CFB: variants seen among roughly 807,000 people sequenced by gnomAD.
CFB encodes B-factor, properdin.
Under a neutral mutation model 97.2 loss-of-function variants are expected in CFB, and 59 were observed. That is an observed-to-expected ratio of 0.61 (90% CI 0.49 to 0.75). CFB has a LOEUF of 0.75. Ranked by LOEUF, CFB falls within the 30% of genes least tolerant of loss-of-function variation. The pLI is 0.00. For synonymous variants in CFB, 316 were observed against 351.7 expected (o/e 0.90, Z 1.14); for missense variants, 771 against 959.8 (o/e 0.80, Z 2.60).
intron 6 of CFB, 127 bp downstream of exon 6, chr6:31,948,208 C>G (rs983515882): frequency 4.7e-6 from 7 of 1,497,882 alleles, no homozygotes; most frequent in African/African-American, 1.4e-5. Context: ...CTATTCTGTC[C>G]TCCTTCCCTT....
chr6:31,949,202 C>T, intron 8 of CFB, 41 bp from the exon 9 acceptor site: 1 of 1,604,698 alleles, frequency 6.2e-7, no homozygotes, highest in Non-Finnish European at 8.5e-7. Context: ...GCCAGTTTAT[C>T]TTCCTTATCT....
At chr6:31,948,623 A>C (rs537160) in intron 7 of CFB, 111 bp downstream of exon 7, 3 of 1,559,510 alleles carry the variant, frequency 1.9e-6, no homozygotes, top group African/African-American at 2.7e-5. Flanking sequence ...TGTAGTCAAA[A>C]GTTGAACAGC....
chr6:31,948,274 C>T, intron 6 of CFB, 100 bp from the exon 7 acceptor site: 2 of 1,561,772 alleles, frequency 1.3e-6, no homozygotes, highest in Non-Finnish European at 1.8e-6. Context: ...GCCCTTGAGC[C>T]TCTTACTGAG....
At chr6:31,949,137 CTA>C in intron 8 of CFB, 104 bp from the exon 9 acceptor site, 1 of 1,428,530 alleles carries the variant, frequency 7.0e-7, no homozygotes, top group South Asian at 1.2e-5. Context: ...CTGTGATCAA[CTA>C]TCTCTAACCC....
At chr6:31,949,640 C>G in intron 10 of CFB, 83 bp downstream of exon 10, 1 of 1,553,138 alleles carries the variant, frequency 6.4e-7, no homozygotes, top group East Asian at 2.3e-5. Flanking sequence ...ACCTGAAGCT[C>G]TAGTTGCCTG....
At chr6:31,949,091 C>G (rs2151784753) in intron 8 of CFB, 130 bp downstream of exon 8, 1 of 1,458,244 alleles carries the variant, frequency 6.9e-7, no homozygotes, top group East Asian at 2.3e-5. Context: ...CTGTTCATCT[C>G]TCCTGTGACC....
rs1162939884 is a variant in CFB, at chr6:31,947,716, T to C, written c.659-26T>C. The C allele has an allele frequency of 6.2e-7, 1 of 1,610,584 alleles. No individual in the cohort carries two copies. The highest frequency in any genetic ancestry group is 1.7e-5 in the Admixed American group (1 of 60,014). ...ACTGTATCCCTGACACTCCCAGACA[T>C]TTGACCTCATTTCTGACTCTCCCAG... On this transcript the variant is annotated intron_variant, in intron 4 of 17. Coordinates refer to ENST00000425368, the MANE Select transcript of CFB (RefSeq NM_001710.6). This position sits in a 1 kb window ranked among gnomAD's most constrained non-coding sequence, Gnocchi z 5.3.
chr6:31,951,260 C>T lies in CFB; in HGVS notation c.1956+16C>T, dbSNP rs750342057. ...TGGGGATAAGGTGAGAAACGGGCAT[C>T]CTAAGGAGGCACTCTAGGCCCCAAT... On this transcript the variant is annotated intron_variant, in intron 15 of 17. Transcript: ENST00000425368. This position sits in a 1 kb window ranked among gnomAD's most constrained non-coding sequence, Gnocchi z 4.3. 6.2e-7 allele frequency: 1 copy of T among 1,613,240 alleles called. No homozygotes were observed. The highest frequency in any genetic ancestry group is 1.1e-5 in the South Asian group (1 of 91,080).
In CFB at chr6:31,952,083, C is replaced by G. The variant is rs1269271479; in HGVS notation, c.*53C>G. 3.7e-6 allele frequency: 6 copies of G among 1,605,748 alleles called. No homozygotes were observed. The highest frequency in any genetic ancestry group is 4.3e-6 in the Non-Finnish European group (5 of 1,176,414). Reference sequence around the variant, plus strand: ...GATTGAATTAAAACAGCTGCGACAACACCTGTGTTCCAGATCCTTTTGGGG... The same window carrying G: ...GATTGAATTAAAACAGCTGCGACAAGACCTGTGTTCCAGATCCTTTTGGGG... On this transcript the variant is annotated 3_prime_UTR_variant, in exon 18 of 18. Coordinates refer to ENST00000425368, the MANE Select transcript of CFB (RefSeq NM_001710.6).
At position 31,951,319 on chromosome 6, in the gene CFB, A is replaced by T. The variant is rs1771756173; in HGVS notation, c.1957-22A>T. 1.2e-6 allele frequency: 2 copies of T among 1,614,010 alleles called. No homozygotes were observed. The highest frequency in any genetic ancestry group is 2.2e-5 in the South Asian group (2 of 91,074). On this transcript the variant is annotated intron_variant, in intron 15 of 17. Transcript: ENST00000425368. The surrounding 1 kb of genome is among the most constrained non-coding windows in gnomAD (Gnocchi z 4.3). Reference sequence around the variant, plus strand: ...AGCCACTTCTGTTCATTACTTCTCCATGCTTCCCACCTCCCCTACAGAAAG... The same window carrying T: ...AGCCACTTCTGTTCATTACTTCTCCTTGCTTCCCACCTCCCCTACAGAAAG...
intron 7 of CFB, 38 bp downstream of exon 7, chr6:31,948,550 G>C: frequency 6.2e-7 from 1 of 1,613,316 alleles, no homozygotes; most frequent in Non-Finnish European, 8.5e-7. Flanking sequence ...TCACTTTGGG[G>C]TCAGGAGGTT....
chr6:31,947,837 G>C lies in CFB; in HGVS notation c.754G>C (p.Gly252Arg). Reference sequence around the variant, plus strand: ...AGGAGTCGATGCTGAGGATGGGCACGGCCCAGGTTTGAAGACAGAGAAGGG... The same window carrying C: ...AGGAGTCGATGCTGAGGATGGGCACCGCCCAGGTTTGAAGACAGAGAAGGG... ...IEGVDAEDGHGPGEQQKRKIV... is the reference protein window; with the variant it reads ...IEGVDAEDGHRPGEQQKRKIV... The change falls in exon 5 of 18, where the codon GGC (glycine) becomes CGC (arginine). Residue 252 changes from glycine to arginine, a missense_variant. Coordinates refer to ENST00000425368, the MANE Select transcript of CFB (RefSeq NM_001710.6). The surrounding 1 kb of genome is among the most constrained non-coding windows in gnomAD (Gnocchi z 5.3). 1 of 1,613,872 alleles carries C rather than the reference G, an allele frequency of 6.2e-7. No homozygotes were observed. The highest frequency in any genetic ancestry group is 8.5e-7 in the Non-Finnish European group (1 of 1,180,026).
In CFB at chr6:31,948,454, A is replaced by C. The variant is rs140166479; in HGVS notation, c.978A>C (p.Glu326Asp). The C allele has an allele frequency of 4.5e-4, 725 of 1,614,248 alleles. 2 individuals are homozygous for C. The highest frequency in any genetic ancestry group is 4.3e-3 in the African/African-American group (324 of 75,060). The change falls in exon 7 of 18, where the codon GAA becomes GAC. Residue 326 changes from glutamate (E) to aspartate (D), a missense_variant. Coordinates refer to ENST00000425368, the MANE Select transcript of CFB (RefSeq NM_001710.6). Reference sequence around the variant, plus strand: ...CCAAAATTTGGGTCAAAGTGTCTGAAGCAGACAGCAGTAATGCAGACTGGG... The same window carrying C: ...CCAAAATTTGGGTCAAAGTGTCTGACGCAGACAGCAGTAATGCAGACTGGG... Reference protein sequence around the residue: ...TYPKIWVKVSEADSSNADWVT... With the variant: ...TYPKIWVKVSDADSSNADWVT...
In CFB at chr6:31,950,880, C is replaced by A; in HGVS notation, c.1791C>A (p.Leu597=). 3 of 1,613,036 alleles carry A rather than the reference C, an allele frequency of 1.9e-6. No homozygotes were observed. Among genetic ancestry groups the A allele is most frequent in the East Asian group, 2.2e-5 (1 of 44,884 alleles). Residue 597 remains leucine (L), a synonymous_variant, in exon 14 of 18, where the codon CTC becomes CTA. Transcript: ENST00000425368. The part of the protein sequence containing the change: ...KYGQTIRPIC[L]PCTEGTTRAL... ...TTGTCCTTTATAGGCCCATTTGTCT[C>A]CCCTGCACCGAGGGAACAACTCGAG...
chr6:31,947,458 G>A lies in CFB; in HGVS notation c.595G>A (p.Gly199Ser). Residue 199 changes from glycine to serine, a missense_variant, in exon 4 of 18, where the codon GGC becomes AGC. Physicochemically the swap from Gly to Ser is moderately conservative, Grantham distance 56. Coordinates refer to ENST00000425368, the MANE Select transcript of CFB (RefSeq NM_001710.6). This position sits in a 1 kb window ranked among gnomAD's most constrained non-coding sequence, Gnocchi z 5.3. ...CTGCAGCCGGGGGCTTACCCTGCGT[G>A]GCTCCCAGCGGCGAACGTGTCAGGA... ...YHCSRGLTLR[G>S]SQRRTCQEGG... 6.2e-7 allele frequency: 1 copy of A among 1,613,010 alleles called. No individual in the cohort carries two copies. The highest frequency in any genetic ancestry group is 1.3e-5 in the African/African-American group (1 of 75,028).
chr6:31,951,451 T>C lies in CFB; in HGVS notation c.2067T>C (p.Tyr689=), dbSNP rs1771764444. The C allele has an allele frequency of 3.7e-6, 6 of 1,614,122 alleles. No homozygotes were observed. The highest frequency in any genetic ancestry group is 2.7e-5 in the African/African-American group (2 of 74,938). Residue 689 remains tyrosine (Y), a synonymous_variant, in exon 16 of 18, where the codon TAT becomes TAC. Coordinates refer to ENST00000425368, the MANE Select transcript of CFB (RefSeq NM_001710.6). This position sits in a 1 kb window ranked among gnomAD's most constrained non-coding sequence, Gnocchi z 4.3. ...TTTGTACTGGAGGAGTGAGTCCCTATGCTGACCCCAATACTTGCAGAGGTG... is the reference window on the plus strand; with the variant it reads ...TTTGTACTGGAGGAGTGAGTCCCTACGCTGACCCCAATACTTGCAGAGGTG... ...RFLCTGGVSP[Y]ADPNTCRGDS... is the part of the protein sequence containing the mutation.
chr6:31,950,279 T>C lies in CFB; in HGVS notation c.1507-7T>C, dbSNP rs2151786350. Reference sequence around the variant, plus strand: ...TGAGCTTTCCCTCTCTACTGTTGTGTCCCCAGCGCCCTTCAAAGGGACACG... The same window carrying C: ...TGAGCTTTCCCTCTCTACTGTTGTGCCCCCAGCGCCCTTCAAAGGGACACG... On this transcript the variant is annotated splice_polypyrimidine_tract_variant and splice_region_variant and intron_variant, in intron 11 of 17. Transcript: ENST00000425368. 1.2e-6 allele frequency: 2 copies of C among 1,612,534 alleles called. No homozygotes were observed. The highest frequency in any genetic ancestry group is 1.3e-5 in the African/African-American group (1 of 75,002).
chr6:31,949,472 T>C lies in CFB; in HGVS notation c.1323T>C (p.Ala441=). ...TGGTGAACCAAGTGAACATCAATGC[T>C]TTGGCTTCCAAGAAAGACAATGAGC... ...GPLVNQVNIN[A]LASKKDNEQH... The change falls in exon 10 of 18, where the codon GCT becomes GCC. Residue 441 remains alanine (A), a synonymous_variant. Transcript: ENST00000425368. 6.2e-7 allele frequency: 1 copy of C among 1,614,140 alleles called. No homozygotes were observed. The highest frequency in any genetic ancestry group is 8.5e-7 in the Non-Finnish European group (1 of 1,180,040).
At position 31,950,734 on chromosome 6, in the gene CFB, C is replaced by T; in HGVS notation, c.1740C>T (p.Ile580=). ...TTTATGACTATGACGTTGCCCTGAT[C>T]AAGCTCAAGAATAAGCTGAAATATG... The part of the protein sequence containing the change: ...PEFYDYDVAL[I]KLKNKLKYGQ... Residue 580 remains isoleucine, a synonymous_variant, in exon 13 of 18, where the codon ATC becomes ATT. Coordinates refer to ENST00000425368, the MANE Select transcript of CFB (RefSeq NM_001710.6). 1.9e-6 allele frequency: 3 copies of T among 1,613,064 alleles called. No individual in the cohort carries two copies. Among genetic ancestry groups the T allele is most frequent in the South Asian group, 1.1e-5 (1 of 91,082 alleles).
Sources: allele counts gnomAD v4.1 joint callset, GRCh38; gene constraint gnomAD v4.1.1; non-coding constraint Gnocchi (gnomAD v3.1); transcripts MANE v1.5; gene names NCBI Gene and HGNC (gene_info 2026-07-23, HGNC 2026-07-21).